Variants in CUX2 observed in about 807,000 individuals in gnomAD.
The protein encoded by CUX2 is cut like homeobox 2.
In CUX2, 40 loss-of-function variants were observed where a neutral mutation model predicts 144.8. The observed-to-expected ratio is 0.28, with a 90% CI of 0.21 to 0.36. CUX2 has a LOEUF of 0.36. Among genes scored for constraint, CUX2 ranks in the 10% least tolerant of loss-of-function variants. CUX2 has a pLI of 1.00. For missense variants in CUX2, 1,615 were observed against 1,994.0 expected (o/e 0.81, Z 3.62); for synonymous variants, 827 against 875.6 (o/e 0.94, Z 0.98).
chr12:111,339,313 T>A (rs990986058), intron 20 of CUX2, among the ~76,000 whole-genome samples: 5 of 152,080 alleles, frequency 3.3e-5, no homozygotes, highest in African/African-American at 1.2e-4. Context: ...CACCAAAGTC[T>A]GTTGCCAGCC....
chr12:111,179,570 C>T (rs1031471119), intron 1 of CUX2, among the ~76,000 whole-genome samples: 7 of 151,716 alleles, frequency 4.6e-5, no homozygotes, highest in African/African-American at 7.3e-5. Context: ...GAGTTCATTC[C>T]GGCTGATCTG....
Position 111,320,617 on chromosome 12 carries a change from G to T in CUX2, c.2608G>T (p.Ala870Ser). The T allele has an allele frequency of 6.3e-7, 1 of 1,580,300 alleles. No individual in the cohort carries two copies. The highest frequency in any genetic ancestry group is 8.5e-7 in the Non-Finnish European group (1 of 1,171,474). Residue 870 changes from alanine (A) to serine (S), a missense_variant, in exon 17 of 22, where the codon GCC becomes TCC. Coordinates refer to ENST00000261726, the MANE Select transcript of CUX2 (RefSeq NM_015267.4). This position sits in a 1 kb window ranked among gnomAD's most constrained non-coding sequence, Gnocchi z 8.1. Reference sequence around the variant, plus strand: ...GGGCGCGCGGCTGCCCTACTACCCGGCCTACGTGCCGCGCACCCTGAAGCC... The same window carrying T: ...GGGCGCGCGGCTGCCCTACTACCCGTCCTACGTGCCGCGCACCCTGAAGCC... ...EAGARLPYYP[A>S]YVPRTLKPTV...
intron 1 of CUX2, among the ~76,000 whole-genome samples, chr12:111,170,543 TTC>T: frequency 1.4e-5 from 2 of 142,456 alleles, no homozygotes; most frequent in African/African-American, 2.7e-5. Context: ...CCCCCAGCTC[TTC>T]TTTTTTTTTT....
intron 1 of CUX2, among the ~76,000 whole-genome samples, chr12:111,040,286 A>T (rs1052825543): frequency 1.4e-5 from 2 of 140,990 alleles, no homozygotes; most frequent in Non-Finnish European, 3.1e-5. Context: ...GACCCTGTTT[A>T]AAAAAAAAAA....
intron 14 of CUX2, 90 bp downstream of exon 14, chr12:111,308,616 C>A: frequency 1.8e-6 from 2 of 1,095,844 alleles, no homozygotes; most frequent in Non-Finnish European, 2.7e-6. Context: ...CCACTGCCTT[C>A]CATGCAGGCA....
chr12:111,272,738 A>G (rs2136303225), intron 4 of CUX2, among the ~76,000 whole-genome samples: 1 of 152,310 alleles, frequency 6.6e-6, no homozygotes, highest in East Asian at 1.9e-4. Context: ...TGTTGGGATT[A>G]CAGATGTGAG....
In CUX2 at chr12:111,134,612, C is replaced by CTGTGTGTG. The variant is rs1228524853; in HGVS notation, c.64-79587_64-79586insGTGTGTGT. ...GATCTCTTTCTCTCTCTCTCTCTCT[C>CTGTGTGTG]TCTCTCTCTGTGTGTGTGTGTGTGT... On this transcript the variant is annotated intron_variant, in intron 1 of 21. Transcript: ENST00000261726. Among the ~76,000 whole-genome samples the CTGTGTGTG allele has an allele frequency of 1.6e-3, 225 of 143,876 alleles. 1 individual carries two copies. The highest frequency in any genetic ancestry group is 6.1e-3 in the African/African-American group (206 of 33,942). The allele number at this position is 143,876 out of a possible 152,430, so 94.4% of individuals were successfully genotyped here.
chr12:111,034,321 G>A lies in CUX2; in HGVS notation c.63+81G>A, dbSNP rs908539576. On this transcript the variant is annotated intron_variant, in intron 1 of 21. Transcript: ENST00000261726. This position sits in a 1 kb window ranked among gnomAD's most constrained non-coding sequence, Gnocchi z 4.2. ...GGCGCATTGGGGAGGTCCCCGGGCG[G>A]GCAGGCGGACGCCCTGGGGCGGCGG... 3.3e-6 allele frequency: 3 copies of A among 898,588 alleles called. No individual in the cohort carries two copies. The highest frequency in any genetic ancestry group is 4.1e-6 in the Non-Finnish European group (3 of 726,214). 55.7% of individuals were successfully genotyped at this position (898,588 alleles called of 1,614,324 possible). A position where few individuals can be genotyped will look rare whatever the true frequency, so the allele number is the denominator to read the frequency against.
chr12:111,073,939 G>A (rs1800729671), intron 1 of CUX2, among the ~76,000 whole-genome samples: 1 of 151,912 alleles, frequency 6.6e-6, no homozygotes, highest in Non-Finnish European at 1.5e-5. Context: ...CTGGGGGACA[G>A]AGGGATACCT....
intron 3 of CUX2, among the ~76,000 whole-genome samples, chr12:111,256,799 C>T (rs1318927538): frequency 1.3e-5 from 2 of 152,192 alleles, no homozygotes; most frequent in Non-Finnish European, 2.9e-5. Context: ...GGTCACAATG[C>T]TCACATCCTA....
chr12:111,037,542 C>T lies in CUX2; in HGVS notation c.63+3302C>T, dbSNP rs763089722. Among the ~76,000 whole-genome samples, 2 of 152,190 alleles carry T rather than the reference C, an allele frequency of 1.3e-5. No homozygotes were observed. Among genetic ancestry groups the T allele is most frequent in the African/African-American group, 2.4e-5 (1 of 41,432 alleles). On this transcript the variant is annotated intron_variant, in intron 1 of 21. Transcript: ENST00000261726. This position sits in a 1 kb window ranked among gnomAD's most constrained non-coding sequence, Gnocchi z 5.4. ...TGATCTGACATGTGCCACCCTACTC[C>T]GGCACTCCTGAAACTACCTCCCCCC...
chr12:111,133,691 G>T (rs1473600336), intron 1 of CUX2, among the ~76,000 whole-genome samples: 1 of 152,170 alleles, frequency 6.6e-6, no homozygotes, highest in African/African-American at 2.4e-5. Context: ...CTAGTTACAA[G>T]TCTAGAAGCA....
At chr12:111,050,643 A>T (rs1159645579) in intron 1 of CUX2, among the ~76,000 whole-genome samples, 1 of 151,550 alleles carries the variant, frequency 6.6e-6, no homozygotes, top group Non-Finnish European at 1.5e-5. Flanking sequence ...AATCCTGGGG[A>T]TTTACCTCCT....
At position 111,296,518 on chromosome 12, in the gene CUX2, A is replaced by G; in HGVS notation, c.683A>G (p.Tyr228Cys). ...GAGCTGCTAGAGCTGCGGCGGAAGT[A>G]CGACGAGGAGGCAGCATCCAAGTAA... ...QAELLELRRK[Y>C]DEEAASKADE... is the part of the protein sequence containing the mutation. The change falls in exon 8 of 22, where the codon TAC (tyrosine) becomes TGC (cysteine). Residue 228 changes from tyrosine (Y) to cysteine (C), a missense_variant. Around this residue, in one of 12 missense-constraint regions of CUX2, gnomAD observed 295 missense variants for 400.2 expected, o/e 0.74. Coordinates refer to ENST00000261726, the MANE Select transcript of CUX2 (RefSeq NM_015267.4). 1 of 1,611,640 alleles carries G rather than the reference A, an allele frequency of 6.2e-7. No homozygotes were observed. Among genetic ancestry groups the G allele is most frequent in the Non-Finnish European group, 8.5e-7 (1 of 1,178,834 alleles).
At chr12:111,301,055 A>C (rs973744563) in intron 9 of CUX2, among the ~76,000 whole-genome samples, 1 of 150,670 alleles carries the variant, frequency 6.6e-6, no homozygotes, top group African/African-American at 2.5e-5. Context: ...AAAAAAAAAA[A>C]AATCCAGCTT....
chr12:111,172,248 C>A (rs112570566), intron 1 of CUX2, among the ~76,000 whole-genome samples: 10 of 152,120 alleles, frequency 6.6e-5, no homozygotes. Flanking sequence ...GTCAGAGAGA[C>A]GCAGAGCATC....
intron 1 of CUX2, among the ~76,000 whole-genome samples, chr12:111,103,022 T>G (rs151158519): frequency 7.9e-5 from 12 of 152,370 alleles, no homozygotes; most frequent in Admixed American, 2.6e-4. Context: ...TTTATTTTTA[T>G]TATTATTAGC....
intron 3 of CUX2, among the ~76,000 whole-genome samples, chr12:111,260,478 A>C (rs997740548): frequency 2.0e-5 from 3 of 151,798 alleles, no homozygotes; most frequent in African/African-American, 4.8e-5. Context: ...AAAAAAAAAA[A>C]GTATTGGGGT....
intron 1 of CUX2, among the ~76,000 whole-genome samples, chr12:111,090,257 C>T (rs891489576): frequency 6.6e-5 from 10 of 152,250 alleles, no homozygotes; most frequent in East Asian, 5.8e-4. Context: ...TGGGCTGGCC[C>T]GAAAGGGGCA....
Sources: gnomAD v4.1 joint callset for allele counts (sites outside exome capture counted in the v4.1 genomes callset) on GRCh38, gnomAD v4.1.1 for gene constraint, gnomAD v4.1.1 regional missense constraint, Gnocchi (gnomAD v3.1) non-coding constraint, MANE v1.5 for transcripts, NCBI Gene and HGNC (gene_info 2026-07-23, HGNC 2026-07-21) for gene names.